The following SERPINB13 variants were observed in gnomAD, a reference collection of about 807,000 sequenced individuals.
SERPINB13 encodes the protein serpin family B member 13.
Under a neutral mutation model 31.2 loss-of-function variants are expected in SERPINB13, and 26 were observed. The observed-to-expected ratio is 0.83, with a 90% CI of 0.61 to 1.15. SERPINB13 has a LOEUF of 1.15. SERPINB13 is among the 50% of genes most tolerant of loss of function. The pLI is 0.00. For missense variants in SERPINB13, 510 were observed against 469.4 expected (o/e 1.09, Z -0.80); for synonymous variants, 191 against 172.4 (o/e 1.11, Z -0.85).
intron 4 of SERPINB13, 68 bp from the exon 5 acceptor site, chr18:63,592,786 T>C: frequency 9.8e-7 from 1 of 1,016,772 alleles, no homozygotes; most frequent in East Asian, 2.4e-5. Context: ...TAAATTTATT[T>C]AGAGATGTTG....
In SERPINB13 at chr18:63,598,171, GC is replaced by G. The variant is rs1352340860; in HGVS notation, c.*809del. ...TTACCAAATGATATTTTCTGAAGATGCTTTTTGGAAAGCTCTGAATCTATAC... is the reference window on the plus strand; with the variant it reads ...TTACCAAATGATATTTTCTGAAGATGTTTTTGGAAAGCTCTGAATCTATAC... On this transcript the variant is annotated 3_prime_UTR_variant, in exon 8 of 8. Coordinates refer to ENST00000344731, the MANE Select transcript of SERPINB13 (RefSeq NM_012397.4). 1.4e-5 allele frequency: 2 copies of G among 143,726 alleles called. No individual in the cohort carries two copies. The highest frequency in any genetic ancestry group is 3.0e-5 in the Non-Finnish European group (2 of 66,040). 8.9% of individuals were successfully genotyped at this position (143,726 alleles called of 1,614,324 possible).
In SERPINB13 at chr18:63,597,019, G is replaced by A. The variant is rs1332246324; in HGVS notation, c.832G>A (p.Glu278Lys). Reference sequence around the variant, plus strand: ...GTGGACTAGTCCAGGGCATATGGAAGAAAGAAAGGTGAATCTGCACTTGCC... The same window carrying A: ...GTGGACTAGTCCAGGGCATATGGAAAAAAGAAAGGTGAATCTGCACTTGCC... Reference protein sequence around the residue: ...VEWTSPGHMEERKVNLHLPRF... With the variant: ...VEWTSPGHMEKRKVNLHLPRF... Residue 278 changes from glutamate (E) to lysine (K), a missense_variant, in exon 8 of 8, where the codon GAA becomes AAA. Glu to Lys is a moderately conservative substitution (Grantham distance 56). Coordinates refer to ENST00000344731, the MANE Select transcript of SERPINB13 (RefSeq NM_012397.4). The A allele has an allele frequency of 1.2e-6, 2 of 1,614,204 alleles. No homozygotes were observed. The highest frequency in any genetic ancestry group is 1.7e-6 in the Non-Finnish European group (2 of 1,180,012).
chr18:63,592,328 A>T lies in SERPINB13; in HGVS notation c.226-20A>T. On this transcript the variant is annotated intron_variant, in intron 3 of 7. Transcript: ENST00000344731. ...GCTTTTGCCAAGATAACCTGTTGAG[A>T]TTTTGTTTTAATTTTCAAGATTGAG... is the stretch of plus-strand genomic sequence containing the variant. 1 of 1,602,944 alleles carries T rather than the reference A, an allele frequency of 6.2e-7. No individual in the cohort carries two copies. The highest frequency in any genetic ancestry group is 1.7e-4 in the Middle Eastern group (1 of 6,008).
chr18:63,588,419 A>G (rs1249169571), intron 1 of SERPINB13, among the ~76,000 whole-genome samples: 2 of 152,184 alleles, frequency 1.3e-5, no homozygotes, highest in Non-Finnish European at 2.9e-5. Context: ...CCGCGGGGAA[A>G]TAAGAACTGA....
rs548207189 is a variant in SERPINB13, at chr18:63,595,104, A to C, written c.691A>C (p.Lys231Gln). ...CACTTTCCTGGAGGACTTGCAGGCCAAAATTCTAGGGATTCCATATAAAAA... is the reference window on the plus strand; with the variant it reads ...CACTTTCCTGGAGGACTTGCAGGCCCAAATTCTAGGGATTCCATATAAAAA... ...SFTFLEDLQA[K>Q]ILGIPYKNND... Residue 231 changes from lysine (K) to glutamine (Q), a missense_variant, in exon 7 of 8, where the codon AAA becomes CAA. Coordinates refer to ENST00000344731, the MANE Select transcript of SERPINB13 (RefSeq NM_012397.4). 4.3e-5 allele frequency: 69 copies of C among 1,614,146 alleles called. No homozygotes were observed. The South Asian group carries it at 6.9e-4, about 16-fold the overall frequency.
intron 3 of SERPINB13, among the ~76,000 whole-genome samples, chr18:63,591,498 T>C (rs1219002505): frequency 6.6e-6 from 1 of 151,786 alleles, no homozygotes; most frequent in East Asian, 1.9e-4. Flanking sequence ...ATGGCCTTTT[T>C]AATGCCAGCC....
At chr18:63,588,591 A>T (rs780072580) in intron 1 of SERPINB13, 60 bp from the exon 2 acceptor site, 132 of 1,515,282 alleles carry the variant, frequency 8.7e-5, no homozygotes, top group Non-Finnish European at 1.2e-4. Flanking sequence ...AGCAGAAAGG[A>T]TTCCCCTGAC....
rs955455830 is a variant in SERPINB13, at chr18:63,588,359, G to A, written c.-17-292G>A. Among the ~76,000 whole-genome samples the A allele has an allele frequency of 2.6e-5, 4 of 152,292 alleles. No homozygotes were observed. In the South Asian group the frequency reaches 6.2e-4, roughly 24 times the overall value. On this transcript the variant is annotated intron_variant, in intron 1 of 7. Coordinates refer to ENST00000344731, the MANE Select transcript of SERPINB13 (RefSeq NM_012397.4). ...GGCTGTGGAGAGGCAGAGACAGGCA[G>A]GGTCAGACAGAGAGCAAGAGAATAA...
In SERPINB13 at chr18:63,594,449, G is replaced by A. The variant is rs866757068; in HGVS notation, c.567G>A (p.Arg189=). Residue 189 remains arginine (R), a synonymous_variant, in exon 6 of 8, where the codon AGG becomes AGA. Transcript: ENST00000344731. ...TTTATTTTAAAGGGCAATGGGACAGGGAGTTTAAGAAAGAAAATACTAAGG... is the reference window on the plus strand; with the variant it reads ...TTTATTTTAAAGGGCAATGGGACAGAGAGTTTAAGAAAGAAAATACTAAGG... ...NMVYFKGQWD[R]EFKKENTKEE... The A allele has an allele frequency of 6.2e-7, 1 of 1,614,120 alleles. No individual in the cohort carries two copies. Among genetic ancestry groups the A allele is most frequent in the African/African-American group, 1.3e-5 (1 of 75,018 alleles).
chr18:63,597,235 G>A lies in SERPINB13; in HGVS notation c.1048G>A (p.Gly350Ser). 6.2e-7 allele frequency: 1 copy of A among 1,614,184 alleles called. No individual in the cohort carries two copies. Among genetic ancestry groups the A allele is most frequent in the Non-Finnish European group, 8.5e-7 (1 of 1,180,038 alleles). The change falls in exon 8 of 8, where the codon GGC becomes AGC. Residue 350 changes from glycine (G) to serine (S), a missense_variant. Coordinates refer to ENST00000344731, the MANE Select transcript of SERPINB13 (RefSeq NM_012397.4). ...EEGTEAAAAT[G>S]IGFTVTSAPG... is the part of the protein sequence containing the mutation. ...AGGCACCGAGGCTGCAGCTGCCACC[G>A]GCATAGGCTTTACTGTCACATCCGC... is the stretch of plus-strand genomic sequence containing the variant.
At position 63,591,782 on chromosome 18, in the gene SERPINB13, C is replaced by T. The variant is rs558990109; in HGVS notation, c.226-566C>T. On this transcript the variant is annotated intron_variant, in intron 3 of 7. Transcript: ENST00000344731. The stretch of plus-strand genomic sequence containing the variant: ...TGAAATAATGACATTCTAGATATGT[C>T]GTTAAGGTAACATAGAATATGAAAA... Among the ~76,000 whole-genome samples the T allele has an allele frequency of 5.9e-5, 9 of 151,834 alleles. No homozygotes were observed. The East Asian group carries it at 7.7e-4, about 13-fold the overall frequency.
rs545419346 is a variant in SERPINB13 at position 63,587,456 on chromosome 18, T to G, written c.-18+6T>G. On this transcript the variant is annotated splice_donor_region_variant and intron_variant, in intron 1 of 7. Transcript: ENST00000344731. Reference sequence around the variant, plus strand: ...CGTCTCTCCAAAAACCCGAGGTAAGTTCTTATTTTGGCTCCAATTTAAGAC... The same window carrying G: ...CGTCTCTCCAAAAACCCGAGGTAAGGTCTTATTTTGGCTCCAATTTAAGAC... The G allele has an allele frequency of 2.1e-6, 1 of 471,008 alleles. No homozygotes were observed. Among genetic ancestry groups the G allele is most frequent in the Admixed American group, 2.4e-5 (1 of 42,540 alleles). 29.2% of individuals were successfully genotyped at this position (471,008 alleles called of 1,614,324 possible).
Position 63,594,384 on chromosome 18 carries a change from T to C in SERPINB13, c.502T>C (p.Ser168Pro). The C allele has an allele frequency of 3.7e-6, 6 of 1,614,202 alleles. No homozygotes were observed. Among genetic ancestry groups the C allele is most frequent in the Non-Finnish European group, 5.1e-6 (6 of 1,180,020 alleles). ...EKIKDLFPDG[S>P]ISSSTKLVLV... is the part of the protein sequence containing the mutation. ...AATCAAGGACTTGTTCCCAGATGGC[T>C]CTATTAGTAGCTCTACCAAGCTGGT... is the stretch of plus-strand genomic sequence containing the variant. The change falls in exon 6 of 8, where the codon TCT becomes CCT. Residue 168 changes from serine (S) to proline (P), a missense_variant. By Grantham distance (74) the Ser-to-Pro change is moderately conservative. Coordinates refer to ENST00000344731, the MANE Select transcript of SERPINB13 (RefSeq NM_012397.4).
chr18:63,595,041 T>A lies in SERPINB13; in HGVS notation c.628T>A (p.Ser210Thr). 3.1e-6 allele frequency: 5 copies of A among 1,611,612 alleles called. No homozygotes were observed. Among genetic ancestry groups the A allele is most frequent in the Non-Finnish European group, 4.2e-6 (5 of 1,179,182 alleles). Residue 210 changes from serine (S) to threonine (T), a missense_variant, in exon 7 of 8, where the codon TCT becomes ACT. Ser to Thr is a moderately conservative substitution (Grantham distance 58). Transcript: ENST00000344731. Reference protein sequence around the residue: ...KFWMNKSTSKSVQMMTQSHSF... With the variant: ...KFWMNKSTSKTVQMMTQSHSF... ...TAATTTGTTGCAGAGCACAAGTAAA[T>A]CTGTACAGATGATGACACAGAGCCA... is the stretch of plus-strand genomic sequence containing the variant.
rs780254203 is a variant in SERPINB13 at position 63,589,685 on chromosome 18, C to A, written c.195C>A (p.Ser65Arg). Residue 65 changes from serine to arginine, a missense_variant, in exon 3 of 8, where the codon AGC becomes AGA. Physicochemically the swap from Ser to Arg is moderately radical, Grantham distance 110. Coordinates refer to ENST00000344731, the MANE Select transcript of SERPINB13 (RefSeq NM_012397.4). The stretch of plus-strand genomic sequence containing the variant: ...TTCACTCTGAAAAAGAGACGAAGAG[C>A]TCAAGAATAAAGGCTGAAGAAAAAG... ...EVFHSEKETK[S>R]SRIKAEEKEV... The A allele has an allele frequency of 1.2e-6, 2 of 1,613,340 alleles. No homozygotes were observed. The highest frequency in any genetic ancestry group is 1.7e-6 in the Non-Finnish European group (2 of 1,179,546).
chr18:63,587,550 G>C, intron 1 of SERPINB13, 100 bp downstream of exon 1: 1 of 426,402 alleles, frequency 2.3e-6, no homozygotes, highest in South Asian at 1.8e-5. Context: ...AGACTTTCTG[G>C]AGGTAGTTTT....
intron 5 of SERPINB13, 158 bp from the exon 6 acceptor site, chr18:63,594,197 C>T (rs538280384): frequency 8.3e-5 from 127 of 1,529,144 alleles, no homozygotes; most frequent in African/African-American, 5.1e-4. Context: ...AGAACCTCCC[C>T]GTCGATTCTG....
At chr18:63,591,772 C>G (rs2144396504) in intron 3 of SERPINB13, among the ~76,000 whole-genome samples, 1 of 151,840 alleles carries the variant, frequency 6.6e-6, no homozygotes. Flanking sequence ...TAATGACATT[C>G]TAGATATGTC....
At chr18:63,590,180 A>C (rs927899055) in intron 3 of SERPINB13, among the ~76,000 whole-genome samples, 2 of 152,176 alleles carry the variant, frequency 1.3e-5, no homozygotes, top group African/African-American at 2.4e-5. Flanking sequence ...TATTATTGCT[A>C]AACTCCACTC....
Sources: gnomAD v4.1 joint callset for allele counts (sites outside exome capture counted in the v4.1 genomes callset) on GRCh38, gnomAD v4.1.1 for gene constraint, MANE v1.5 for transcripts, NCBI Gene and HGNC (gene_info 2026-07-23, HGNC 2026-07-21) for gene names.